SPRED2: variants seen among roughly 807,000 people sequenced by gnomAD.
SPRED2 encodes the protein sprouty related EVH1 domain containing 2.
A neutral mutation model predicts 43.0 loss-of-function variants in SPRED2; 47 were observed. That is an observed-to-expected ratio of 1.09 (90% CI 0.87 to 1.40). The LOEUF (loss-of-function observed/expected upper bound fraction) is 1.40, where lower values mean the gene tolerates loss of function less well. Among genes scored for constraint, SPRED2 ranks in the 40% most tolerant of loss-of-function variants. The pLI, the probability that SPRED2 is intolerant of heterozygous loss-of-function variation, is 0.00. For synonymous variants in SPRED2, 225 were observed against 225.7 expected, an observed-to-expected ratio of 1.00 and a Z score of 0.03; for missense variants, 561 against 586.4, an observed-to-expected ratio of 0.96 and a Z score of 0.45.
At chr2:65,318,335 C>G (rs1353327065) in intron 4 of SPRED2, among the ~76,000 whole-genome samples, 1 of 151,992 alleles carries the variant, frequency 6.6e-6, no homozygotes, top group African/African-American at 2.4e-5. Context: ...GACTAATACT[C>G]CCACCTGAGA....
intron 1 of SPRED2, among the ~76,000 whole-genome samples, chr2:65,411,706 T>C (rs1676164820): frequency 1.3e-5 from 2 of 152,196 alleles, no homozygotes; most frequent in South Asian, 4.1e-4. Context: ...TAAATATGTC[T>C]TTATGGACTT....
chr2:65,429,112 A>C (rs1676621504), intron 1 of SPRED2, among the ~76,000 whole-genome samples: 1 of 152,236 alleles, frequency 6.6e-6, no homozygotes, highest in Non-Finnish European at 1.5e-5. Flanking sequence ...AAGAATTTTA[A>C]ATTGACATGG....
At chr2:65,377,876 G>C (rs140681492) in intron 1 of SPRED2, 2 of 359,908 alleles carry the variant, frequency 5.6e-6, no homozygotes, top group South Asian at 4.2e-5. Context: ...AGCTGTCCAC[G>C]GAGCTGACTC....
downstream of SPRED2, among the ~76,000 whole-genome samples, chr2:65,309,292 A>G (rs1378296690): frequency 6.6e-6 from 1 of 151,920 alleles, no homozygotes; most frequent in Non-Finnish European, 1.5e-5. Flanking sequence ...TCTTGAGCCC[A>G]GGAGGTCAGG....
intron 4 of SPRED2, among the ~76,000 whole-genome samples, chr2:65,322,170 T>A (rs1673432346): frequency 6.7e-6 from 1 of 150,300 alleles, no homozygotes; most frequent in Non-Finnish European, 1.5e-5. Context: ...AGCTCCCTTA[T>A]GAAACTAGAT....
intron 1 of SPRED2, among the ~76,000 whole-genome samples, chr2:65,351,983 CT>C (rs1402305523): frequency 6.6e-6 from 1 of 152,228 alleles, no homozygotes; most frequent in Non-Finnish European, 1.5e-5. Flanking sequence ...ACATGATTTT[CT>C]GCTCTGTACA....
intron 2 of SPRED2, 119 bp from the exon 3 acceptor site, chr2:65,334,892 C>T (rs1673918489): frequency 1.0e-6 from 1 of 977,930 alleles, no homozygotes; most frequent in Non-Finnish European, 1.6e-6. Context: ...CTAACCCCTG[C>T]CTTCACATAT....
chr2:65,334,797 T>A, intron 2 of SPRED2, 24 bp from the exon 3 acceptor site: 2 of 1,612,992 alleles, frequency 1.2e-6, no homozygotes. Flanking sequence ...ACACACAGGC[T>A]GGTTACTAGT....
chr2:65,313,686 CG>C lies in SPRED2; in HGVS notation c.1071del (p.Glu358ArgfsTer48), dbSNP rs752917094. The C allele has an allele frequency of 1.2e-6, 2 of 1,614,148 alleles. No individual in the cohort carries two copies. The highest frequency in any genetic ancestry group is 1.7e-6 in the Non-Finnish European group (2 of 1,180,018). On this transcript the variant is annotated frameshift_variant, in exon 6 of 6. Transcript: ENST00000356388. LOFTEE classifies it high-confidence loss of function. ...GAGCAAGGGTCTGTATAGTCTCCCT[CG>C]GGGTCCGACATACAGTGATAGAGCA... ...DSMLYHCMSD[P>X]EGDYTDPCSC... is the part of the protein sequence containing the mutation.
chr2:65,415,775 G>C (rs930710341), intron 1 of SPRED2, among the ~76,000 whole-genome samples: 2 of 151,848 alleles, frequency 1.3e-5, no homozygotes, highest in African/African-American at 4.8e-5. Flanking sequence ...TCAACAATTA[G>C]AATTTATTTT....
intron 1 of SPRED2, among the ~76,000 whole-genome samples, chr2:65,412,581 T>C (rs1344184712): frequency 6.6e-6 from 1 of 152,218 alleles, no homozygotes; most frequent in African/African-American, 2.4e-5. Context: ...AAGAGTGGAT[T>C]TGCATCCCTG....
At chr2:65,320,867 TGGTTTCCGTGGGCTGCAGAAAA>T in intron 4 of SPRED2, among the ~76,000 whole-genome samples, 1 of 152,224 alleles carries the variant, frequency 6.6e-6, no homozygotes, top group South Asian at 2.1e-4. Context: ...AACTCTGCCC[TGGTTTCCGTGGGCTGCAGAAAA>T]GCAGCCCACC....
In SPRED2 at chr2:65,322,294, AT is replaced by A. The variant is rs1178902612; in HGVS notation, c.439-5412del. Among the ~76,000 whole-genome samples, 456 of 64,864 alleles carry A rather than the reference AT, an allele frequency of 7.0e-3. 5 individuals are homozygous for A. The highest frequency in any genetic ancestry group is 0.033 in the Middle Eastern group (2 of 60). 42.6% of individuals were successfully genotyped at this position (64,864 alleles called of 152,430 possible). A position where few individuals can be genotyped will look rare whatever the true frequency, so the allele number is the denominator to read the frequency against. ...TCTATATATATATATATATATATATATTTTTTTTTTTTTTTTTGAGACGGAG... is the reference window on the plus strand; with the variant it reads ...TCTATATATATATATATATATATATATTTTTTTTTTTTTTTTGAGACGGAG... On this transcript the variant is annotated intron_variant, in intron 4 of 5. Coordinates refer to ENST00000356388, the MANE Select transcript of SPRED2 (RefSeq NM_181784.3).
rs1673059377 is a variant in SPRED2 at position 65,311,215 on chromosome 2, C to T, written c.*2286G>A. 1.0e-6 allele frequency: 1 copy of T among 985,732 alleles called. No individual in the cohort carries two copies. Among genetic ancestry groups the T allele is most frequent in the Non-Finnish European group, 1.2e-6 (1 of 829,946 alleles). 61.1% of individuals were successfully genotyped at this position (985,732 alleles called of 1,614,324 possible). A position where few individuals can be genotyped will look rare whatever the true frequency, so the allele number is the denominator to read the frequency against. On this transcript the variant is annotated 3_prime_UTR_variant, in exon 6 of 6. Coordinates refer to ENST00000356388, the MANE Select transcript of SPRED2 (RefSeq NM_181784.3). ...ATTGACGTCAGTATGGCAAAGCTGA[C>T]TGGGAAAATACTACACACTGTTCAG...
At chr2:65,361,774 C>G (rs1040193279) in intron 1 of SPRED2, among the ~76,000 whole-genome samples, 1 of 152,204 alleles carries the variant, frequency 6.6e-6, no homozygotes. Flanking sequence ...TCTCTGGCGA[C>G]GTGATGAGAA....
intron 1 of SPRED2, among the ~76,000 whole-genome samples, chr2:65,405,670 A>T (rs1676007753): frequency 1.3e-5 from 2 of 152,204 alleles, no homozygotes; most frequent in South Asian, 4.1e-4. Context: ...TGTGGGAGTG[A>T]TACGGCACTG....
chr2:65,335,745 T>C (rs1297560333), intron 2 of SPRED2, among the ~76,000 whole-genome samples: 1 of 148,914 alleles, frequency 6.7e-6, no homozygotes, highest in Non-Finnish European at 1.5e-5. Flanking sequence ...CTAGCACAGT[T>C]GATAGAGATA....
At position 65,379,197 on chromosome 2, in the gene SPRED2, G is replaced by A. The variant is rs1675313408; in HGVS notation, c.27-34301C>T. On this transcript the variant is annotated intron_variant, in intron 1 of 5. Coordinates refer to ENST00000356388, the MANE Select transcript of SPRED2 (RefSeq NM_181784.3). Reference sequence around the variant, plus strand: ...TTTTTACCAATATCAGGATTGCAGTGGATACACCAAGTGTTCCATTGAGTG... The same window carrying A: ...TTTTTACCAATATCAGGATTGCAGTAGATACACCAAGTGTTCCATTGAGTG... 2.0e-5 allele frequency among the ~76,000 whole-genome samples: 3 copies of A among 152,126 alleles called. No individual in the cohort carries two copies. The East Asian group carries it at 5.8e-4, about 29-fold the overall frequency.
chr2:65,395,320 G>C (rs1325622688), intron 1 of SPRED2, among the ~76,000 whole-genome samples: 2 of 152,226 alleles, frequency 1.3e-5, no homozygotes, highest in East Asian at 3.9e-4. Flanking sequence ...GTCCCAACCT[G>C]ACCTTCAAGT....
Sources: allele counts gnomAD v4.1 joint callset (sites outside exome capture counted in the v4.1 genomes callset), GRCh38; gene constraint gnomAD v4.1.1; transcripts MANE v1.5; gene names NCBI Gene and HGNC (gene_info 2026-07-23, HGNC 2026-07-21).